The following SDCCAG8 variants were observed in gnomAD, a reference collection of about 807,000 sequenced individuals.
SDCCAG8 encodes the protein serologically defined colon cancer antigen 8.
In SDCCAG8, 74 loss-of-function variants were observed where a neutral mutation model predicts 101.8. The ratio of observed to expected loss-of-function variants is 0.73; its 90% CI spans 0.60 to 0.88. The LOEUF (loss-of-function observed/expected upper bound fraction) is 0.88, where lower values mean the gene tolerates loss of function less well. Among genes scored for constraint, SDCCAG8 ranks in the 40% least tolerant of loss-of-function variants. The pLI, the probability that SDCCAG8 is intolerant of heterozygous loss-of-function variation, is 0.00. For missense variants in SDCCAG8, 787 were observed against 822.6 expected (o/e 0.96, Z 0.53); for synonymous variants, 281 against 292.9 (o/e 0.96, Z 0.41).
chr1:243,484,094 G>T (rs1664309174), intron 16 of SDCCAG8, among the ~76,000 whole-genome samples: 1 of 151,952 alleles, frequency 6.6e-6, no homozygotes, highest in Non-Finnish European at 1.5e-5. Flanking sequence ...AGGTACCTCG[G>T]ACTCGCCCTG....
intron 5 of SDCCAG8, among the ~76,000 whole-genome samples, chr1:243,288,594 TG>T (rs1398699520): frequency 1.3e-5 from 2 of 152,294 alleles, no homozygotes; most frequent in East Asian, 1.9e-4. Flanking sequence ...TATCTTCTTT[TG>T]GGGGGAAGGG....
intron 16 of SDCCAG8, among the ~76,000 whole-genome samples, chr1:243,452,195 T>C (rs1388546222): frequency 6.6e-6 from 1 of 152,214 alleles, no homozygotes; most frequent in Non-Finnish European, 1.5e-5. Context: ...CTGGTGTGCC[T>C]TCTTCCACTG....
chr1:243,489,244 T>TA lies in SDCCAG8; in HGVS notation c.2112+105dup, dbSNP rs1040161604. 4.8e-6 allele frequency: 7 copies of TA among 1,445,336 alleles called. No homozygotes were observed. In the African/African-American group the frequency reaches 9.8e-5, roughly 20 times the overall value. 89.5% of individuals were successfully genotyped at this position (1,445,336 alleles called of 1,614,324 possible). ...CGGCTTTCTCACGGATCACATCGGT[T>TA]AGCAGTAAGCTGGGAGGGAGGTCCC... On this transcript the variant is annotated intron_variant, in intron 17 of 17. Coordinates refer to ENST00000366541, the MANE Select transcript of SDCCAG8 (RefSeq NM_006642.5).
chr1:243,498,383 G>A (rs1347254448), intron 17 of SDCCAG8, among the ~76,000 whole-genome samples: 1 of 152,174 alleles, frequency 6.6e-6, no homozygotes, highest in African/African-American at 2.4e-5. Context: ...AGCATCCCGT[G>A]GGCCCAGGAA....
At chr1:243,403,505 G>A (rs573497342) in intron 13 of SDCCAG8, among the ~76,000 whole-genome samples, 62 of 152,202 alleles carry the variant, frequency 4.1e-4, no homozygotes, top group African/African-American at 1.3e-3. Context: ...TATCCTCATA[G>A]TCCTATGAGG....
chr1:243,353,807 G>A (rs953548795), intron 12 of SDCCAG8, among the ~76,000 whole-genome samples: 1 of 152,060 alleles, frequency 6.6e-6, no homozygotes, highest in Non-Finnish European at 1.5e-5. Flanking sequence ...CAGAAGTCAT[G>A]GTATCGTTTG....
At chr1:243,493,619 A>C (rs1192490802) in intron 17 of SDCCAG8, among the ~76,000 whole-genome samples, 1 of 151,984 alleles carries the variant, frequency 6.6e-6, no homozygotes, top group Non-Finnish European at 1.5e-5. Flanking sequence ...TGAATCACTT[A>C]CAGTTTAGAA....
intron 10 of SDCCAG8, among the ~76,000 whole-genome samples, chr1:243,337,774 C>T (rs935847211): frequency 2.0e-5 from 3 of 152,122 alleles, no homozygotes; most frequent in Non-Finnish European, 4.4e-5. Context: ...TTTCTTGGCC[C>T]TTCATGTTAG....
In SDCCAG8 at chr1:243,256,150, C is replaced by T. The variant is rs2066637901; in HGVS notation, c.-24C>T. ...GCTGGACATTTCCCCACGTAACTCCCAGCTCTGGGCCTAGAGTGCGTGCAT... is the reference window on the plus strand; with the variant it reads ...GCTGGACATTTCCCCACGTAACTCCTAGCTCTGGGCCTAGAGTGCGTGCAT... On this transcript the variant is annotated 5_prime_UTR_variant, in exon 1 of 18. Transcript: ENST00000366541. 1 of 1,610,318 alleles carries T rather than the reference C, an allele frequency of 6.2e-7. No homozygotes were observed. Among genetic ancestry groups the T allele is most frequent in the African/African-American group, 1.3e-5 (1 of 74,992 alleles).
intron 15 of SDCCAG8, among the ~76,000 whole-genome samples, chr1:243,420,780 C>A (rs79031476): frequency 0.016 from 2,364 of 152,234 alleles, 73 homozygotes; most frequent in African/African-American, 0.055. Context: ...GTTCCAGTTT[C>A]ATTTCTCCCT....
chr1:243,387,139 G>A (rs1279507984), intron 13 of SDCCAG8, among the ~76,000 whole-genome samples: 2 of 152,140 alleles, frequency 1.3e-5, no homozygotes, highest in East Asian at 3.9e-4. Context: ...TTATACACAC[G>A]TGGTTGGGTT....
chr1:243,275,118 G>A (rs1037137353), intron 4 of SDCCAG8, among the ~76,000 whole-genome samples: 1 of 152,142 alleles, frequency 6.6e-6, no homozygotes, highest in Non-Finnish European at 1.5e-5. Flanking sequence ...ATGGTTCATA[G>A]GGTACTGACA....
At chr1:243,484,085 G>A (rs928787629) in intron 16 of SDCCAG8, among the ~76,000 whole-genome samples, 1 of 152,032 alleles carries the variant, frequency 6.6e-6, no homozygotes, top group Non-Finnish European at 1.5e-5. Flanking sequence ...GTGTTCCACA[G>A]GTACCTCGGA....
intron 11 of SDCCAG8, among the ~76,000 whole-genome samples, chr1:243,342,093 T>G (rs1056835184): frequency 1.3e-5 from 2 of 152,196 alleles, no homozygotes; most frequent in African/African-American, 4.8e-5. Context: ...TTTTAAAAAT[T>G]CCTATTAGCT....
At chr1:243,323,262 C>T (rs1036293087) in intron 9 of SDCCAG8, among the ~76,000 whole-genome samples, 1 of 152,062 alleles carries the variant, frequency 6.6e-6, no homozygotes, top group Non-Finnish European at 1.5e-5. Context: ...GTCAGGAACT[C>T]CACTTTCCTC....
In SDCCAG8 at chr1:243,416,554, G is replaced by A. The variant is rs2080599105; in HGVS notation, c.1744+725G>A. 6.6e-6 allele frequency among the ~76,000 whole-genome samples: 1 copy of A among 152,176 alleles called. No homozygotes were observed. ...TAATACAAGGCACTGACCACAGCTG[G>A]CAGCTTGGCTAAAAATTGCCATCTT... On this transcript the variant is annotated intron_variant, in intron 14 of 17. Transcript: ENST00000366541. This position sits in a 1 kb window ranked among gnomAD's most constrained non-coding sequence, Gnocchi z 4.3.
At chr1:243,480,680 T>G (rs1663466102) in intron 16 of SDCCAG8, among the ~76,000 whole-genome samples, 2 of 60,808 alleles carry the variant, frequency 3.3e-5, no homozygotes, top group East Asian at 5.0e-4. Context: ...GATGGATGGG[T>G]GGGATGGATG....
chr1:243,297,786 A>G (rs2071078711), intron 6 of SDCCAG8, among the ~76,000 whole-genome samples: 2 of 152,130 alleles, frequency 1.3e-5, no homozygotes, highest in East Asian at 1.9e-4. Flanking sequence ...TAAGGTATGT[A>G]TCTGACATAT....
At chr1:243,417,456 A>G (rs2080670319) in intron 14 of SDCCAG8, among the ~76,000 whole-genome samples, 1 of 152,130 alleles carries the variant, frequency 6.6e-6, no homozygotes, top group Non-Finnish European at 1.5e-5. Flanking sequence ...GAAAATACAC[A>G]TTTTTACCTT....
Sources: allele counts gnomAD v4.1 joint callset (sites outside exome capture counted in the v4.1 genomes callset), GRCh38; gene constraint gnomAD v4.1.1; non-coding constraint Gnocchi (gnomAD v3.1); transcripts MANE v1.5; gene names NCBI Gene and HGNC (gene_info 2026-07-23, HGNC 2026-07-21).